The following CAMK1D variants were observed in gnomAD, a reference collection of about 807,000 sequenced individuals.
CAMK1D encodes calcium/calmodulin dependent protein kinase ID.
In CAMK1D, 9 loss-of-function variants were observed where a neutral mutation model predicts 47.7. The observed-to-expected ratio is 0.19, with a 90% confidence interval of 0.11 to 0.33. CAMK1D has a LOEUF of 0.33. Among genes scored for constraint, CAMK1D ranks in the 10% least tolerant of loss-of-function variants. The probability of loss-of-function intolerance (pLI) is 1.00; values close to 1 mark genes in which losing one functional copy is unlikely to be tolerated. For synonymous variants in CAMK1D, 184 were observed against 184.9 expected (o/e 0.99, Z 0.04); for missense variants, 291 against 488.7 (o/e 0.60, Z 3.81).
chr10:12,463,061 T>G (rs1353893307), intron 1 of CAMK1D, among the ~76,000 whole-genome samples: 1 of 151,928 alleles, frequency 6.6e-6, no homozygotes, highest in Non-Finnish European at 1.5e-5. Context: ...CACTCATATC[T>G]AGAGTCCAAG....
At chr10:12,767,365 C>T (rs967333514) in intron 4 of CAMK1D, among the ~76,000 whole-genome samples, 5 of 151,978 alleles carry the variant, frequency 3.3e-5, no homozygotes, top group African/African-American at 9.7e-5. Flanking sequence ...TTAGTAGAGA[C>T]GGGGTTTCTC....
At chr10:12,492,164 T>G (rs1571205) in intron 1 of CAMK1D, among the ~76,000 whole-genome samples, 1 of 151,756 alleles carries the variant, frequency 6.6e-6, no homozygotes, top group Non-Finnish European at 1.5e-5. Context: ...CAGTGGGAAG[T>G]GCCTACTGTG....
intron 1 of CAMK1D, among the ~76,000 whole-genome samples, chr10:12,521,203 G>T (rs118184390): frequency 6.6e-6 from 1 of 152,038 alleles, no homozygotes; most frequent in East Asian, 1.9e-4. Context: ...TTCTTGAAGT[G>T]AAATGTTATA....
chr10:12,589,429 G>A (rs1036204162), intron 2 of CAMK1D, among the ~76,000 whole-genome samples: 9 of 152,202 alleles, frequency 5.9e-5, no homozygotes, highest in African/African-American at 2.2e-4. Context: ...GTTTCAAAAC[G>A]AAGCCCGCAG....
intron 1 of CAMK1D, among the ~76,000 whole-genome samples, chr10:12,478,021 T>G (rs1416345282): frequency 6.6e-6 from 1 of 151,424 alleles, no homozygotes; most frequent in Non-Finnish European, 1.5e-5. Context: ...TTTTTTTTTT[T>G]TGGAGACAGA....
At chr10:12,518,123 A>G (rs1000090707) in intron 1 of CAMK1D, among the ~76,000 whole-genome samples, 6 of 152,182 alleles carry the variant, frequency 3.9e-5, no homozygotes, top group Admixed American at 2.0e-4. Flanking sequence ...GTTTTTATCT[A>G]CTAAAGAACT....
chr10:12,534,359 A>C (rs946506633), intron 1 of CAMK1D, among the ~76,000 whole-genome samples: 2 of 151,134 alleles, frequency 1.3e-5, no homozygotes, highest in African/African-American at 2.4e-5. Flanking sequence ...ATAGGCACCC[A>C]CCACCAGACC....
chr10:12,659,374 G>A (rs1261667539), intron 2 of CAMK1D, among the ~76,000 whole-genome samples: 1 of 152,168 alleles, frequency 6.6e-6, no homozygotes, highest in African/African-American at 2.4e-5. Flanking sequence ...GAGTTGGGGA[G>A]AACAATTAAG....
chr10:12,350,534 C>G (rs1433588697), intron 1 of CAMK1D, among the ~76,000 whole-genome samples: 1 of 150,376 alleles, frequency 6.6e-6, no homozygotes, highest in Non-Finnish European at 1.5e-5. Flanking sequence ...GAGCGCGTCT[C>G]CAAGGGAGGG....
At chr10:12,528,211 A>G (rs533127703) in intron 1 of CAMK1D, among the ~76,000 whole-genome samples, 4 of 152,372 alleles carry the variant, frequency 2.6e-5, no homozygotes, top group Non-Finnish European at 5.9e-5. Context: ...GTATGGCTCA[A>G]AAGTCCACAG....
chr10:12,368,316 G>A (rs961675097), intron 1 of CAMK1D, among the ~76,000 whole-genome samples: 3 of 152,122 alleles, frequency 2.0e-5, no homozygotes, highest in Non-Finnish European at 4.4e-5. Context: ...GGAGTTCCAG[G>A]CTCCTGGGAG....
chr10:12,517,212 G>A (rs1407410819), intron 1 of CAMK1D, among the ~76,000 whole-genome samples: 1 of 152,174 alleles, frequency 6.6e-6, no homozygotes, highest in Non-Finnish European at 1.5e-5. Context: ...AACATAGTTG[G>A]TTTTTATGTG....
intron 2 of CAMK1D, among the ~76,000 whole-genome samples, chr10:12,588,206 G>T (rs1165209315): frequency 6.6e-6 from 1 of 152,128 alleles, no homozygotes; most frequent in Non-Finnish European, 1.5e-5. Flanking sequence ...TGCAAGGCAC[G>T]GAGCTCTGCC....
Position 12,527,531 on chromosome 10 carries a change from G to T in CAMK1D, c.93-25694G>T, listed in dbSNP as rs190076114. 5.9e-3 allele frequency among the ~76,000 whole-genome samples: 891 copies of T among 151,394 alleles called. 8 individuals are homozygous for T. Among genetic ancestry groups the T allele is most frequent in the East Asian group, 0.034 (177 of 5,140 alleles). Reference sequence around the variant, plus strand: ...CACCACGCCCGGCTAATTTTTTTTTGTTGTTGTTGTATTTTTAGTAGAGAC... The same window carrying T: ...CACCACGCCCGGCTAATTTTTTTTTTTTGTTGTTGTATTTTTAGTAGAGAC... On this transcript the variant is annotated intron_variant, in intron 1 of 10. Coordinates refer to ENST00000619168, the MANE Select transcript of CAMK1D (RefSeq NM_153498.4).
chr10:12,662,702 C>G (rs185037192), intron 2 of CAMK1D, among the ~76,000 whole-genome samples: 1 of 151,326 alleles, frequency 6.6e-6, no homozygotes, highest in East Asian at 1.9e-4. Flanking sequence ...TTAAAATGAT[C>G]TGGTGATTTA....
chr10:12,693,766 T>G (rs925656499), intron 3 of CAMK1D, among the ~76,000 whole-genome samples: 1 of 149,486 alleles, frequency 6.7e-6, no homozygotes, highest in African/African-American at 2.5e-5. Flanking sequence ...CACAATTGTG[T>G]GAGCCAATTC....
At chr10:12,538,287 G>T (rs1836043742) in intron 1 of CAMK1D, among the ~76,000 whole-genome samples, 1 of 152,208 alleles carries the variant, frequency 6.6e-6, no homozygotes, top group African/African-American at 2.4e-5. Context: ...AAGCATCCTG[G>T]TGGCTGACAG....
At chr10:12,799,039 C>T (rs903980151) in intron 6 of CAMK1D, among the ~76,000 whole-genome samples, 1 of 152,050 alleles carries the variant, frequency 6.6e-6, no homozygotes, top group Admixed American at 6.6e-5. Flanking sequence ...CCATTTGTGA[C>T]GAAGAGAGTA....
chr10:12,833,216 T>A lies in CAMK1D; in HGVS notation c.*4329T>A, dbSNP rs1460726926. On this transcript the variant is annotated 3_prime_UTR_variant, in exon 11 of 11. Transcript: ENST00000619168. ...ACTCGGTTTACCTACCCCGTACTCA[T>A]CCCACTCATCTGTCTACCCTAGTGT... The A allele has an allele frequency of 6.6e-6, 1 of 152,066 alleles. No individual in the cohort carries two copies. The highest frequency in any genetic ancestry group is 2.4e-5 in the African/African-American group (1 of 41,392). The allele number at this position is 152,066 out of a possible 1,614,324, so 9.4% of individuals were successfully genotyped here.
Sources: allele counts gnomAD v4.1 joint callset (sites outside exome capture counted in the v4.1 genomes callset), GRCh38; gene constraint gnomAD v4.1.1; transcripts MANE v1.5; gene names NCBI Gene and HGNC (gene_info 2026-07-23, HGNC 2026-07-21).